Variants in PTPRG observed in about 807,000 individuals in gnomAD.
PTPRG encodes the protein protein tyrosine phosphatase receptor type G.
In PTPRG, 102 loss-of-function variants were observed where a neutral mutation model predicts 165.3. The ratio of observed to expected loss-of-function variants is 0.62; its 90% confidence interval spans 0.53 to 0.73. The LOEUF (loss-of-function observed/expected upper bound fraction) is 0.73. Ranked by LOEUF, PTPRG falls within the 30% of genes least tolerant of loss-of-function variation. The pLI is 0.00. For missense variants in PTPRG, 1,866 were observed against 1,861.4 expected (o/e 1.00, Z -0.05); for synonymous variants, 675 against 669.5 (o/e 1.01, Z -0.13).
chr3:62,234,379 A>G (rs1231693863), intron 14 of PTPRG, among the ~76,000 whole-genome samples: 1 of 152,200 alleles, frequency 6.6e-6, no homozygotes, highest in Non-Finnish European at 1.5e-5. Flanking sequence ...CACAAGGTAC[A>G]TGCTATTGTG....
chr3:61,872,007 A>C (rs1005939362), intron 2 of PTPRG, among the ~76,000 whole-genome samples: 7 of 152,174 alleles, frequency 4.6e-5, no homozygotes, highest in Non-Finnish European at 7.4e-5. Flanking sequence ...ATTCTTTTTA[A>C]CCAGTGCAGC....
At chr3:61,712,746 G>A (rs1465496349) in intron 1 of PTPRG, among the ~76,000 whole-genome samples, 2 of 152,208 alleles carry the variant, frequency 1.3e-5, no homozygotes, top group East Asian at 1.9e-4. Flanking sequence ...TTTATAGCAC[G>A]GTGAGAATGG....
intron 1 of PTPRG, among the ~76,000 whole-genome samples, chr3:61,684,545 T>C (rs1703559000): frequency 6.6e-6 from 1 of 152,162 alleles, no homozygotes; most frequent in South Asian, 2.1e-4. Context: ...TGTCTTAACA[T>C]CTGACAGGAG....
intron 2 of PTPRG, among the ~76,000 whole-genome samples, chr3:61,820,724 C>T (rs539245866): frequency 1.1e-4 from 17 of 149,256 alleles, no homozygotes; most frequent in South Asian, 4.3e-4. Flanking sequence ...TAGATAGAGG[C>T]GCCTGGCTGC....
intron 2 of PTPRG, among the ~76,000 whole-genome samples, chr3:61,863,472 G>A (rs2037327642): frequency 6.6e-6 from 1 of 152,246 alleles, no homozygotes; most frequent in African/African-American, 2.4e-5. Context: ...ATTAGAATGT[G>A]TGCGTAGCTG....
At chr3:61,983,422 G>A (rs919719530) in intron 2 of PTPRG, among the ~76,000 whole-genome samples, 7 of 152,094 alleles carry the variant, frequency 4.6e-5, no homozygotes, top group African/African-American at 1.7e-4. Flanking sequence ...GGTAATATTT[G>A]TAATATAAGT....
chr3:61,640,787 A>G (rs567239279), intron 1 of PTPRG, among the ~76,000 whole-genome samples: 1 of 152,370 alleles, frequency 6.6e-6, no homozygotes, highest in South Asian at 2.1e-4. Flanking sequence ...TGGATATTTC[A>G]CGTTTCTACT....
At position 62,144,800 on chromosome 3, in the gene PTPRG, G is replaced by A. The variant is rs117774361; in HGVS notation, c.682+12132G>A. Among the ~76,000 whole-genome samples the A allele has an allele frequency of 3.7e-4, 56 of 152,210 alleles. No homozygotes were observed. In the East Asian group the frequency reaches 9.1e-3, roughly 25 times the overall value. ...TTAGCCAGGAAATGGGATGCTGTGCGACTTCTATTTTATCACTAATAGTAT... is the reference window on the plus strand; with the variant it reads ...TTAGCCAGGAAATGGGATGCTGTGCAACTTCTATTTTATCACTAATAGTAT... On this transcript the variant is annotated intron_variant, in intron 6 of 29. Transcript: ENST00000474889.
intron 2 of PTPRG, among the ~76,000 whole-genome samples, chr3:61,841,523 T>C (rs992865340): frequency 1.3e-5 from 2 of 152,226 alleles, no homozygotes; most frequent in Non-Finnish European, 2.9e-5. Context: ...AACCTTTTTA[T>C]TGAATCCGTT....
chr3:61,814,881 C>CTT (rs1339496998), intron 2 of PTPRG, among the ~76,000 whole-genome samples: 1 of 151,756 alleles, frequency 6.6e-6, no homozygotes, highest in Non-Finnish European at 1.5e-5. Context: ...GGCAGCAACT[C>CTT]TATCAGGAAG....
intron 2 of PTPRG, among the ~76,000 whole-genome samples, chr3:61,888,523 G>A (rs1488499465): frequency 1.3e-5 from 2 of 152,070 alleles, no homozygotes; most frequent in Non-Finnish European, 1.5e-5. Context: ...AGTAGAGACG[G>A]GGTTTCACCG....
At chr3:62,087,814 G>A (rs1425615543) in intron 5 of PTPRG, among the ~76,000 whole-genome samples, 1 of 152,138 alleles carries the variant, frequency 6.6e-6, no homozygotes, top group African/African-American at 2.4e-5. Flanking sequence ...AGGCCTCTCA[G>A]TTTTGCTGAT....
intron 6 of PTPRG, among the ~76,000 whole-genome samples, chr3:62,133,380 G>A (rs932417038): frequency 3.3e-5 from 5 of 152,198 alleles, no homozygotes; most frequent in Admixed American, 6.5e-5. Flanking sequence ...TTCCAGAGAC[G>A]TTGACAGAAA....
At chr3:62,036,784 A>G (rs914069963) in intron 4 of PTPRG, among the ~76,000 whole-genome samples, 2 of 152,164 alleles carry the variant, frequency 1.3e-5, no homozygotes, top group African/African-American at 4.8e-5. Flanking sequence ...AACAAGCTAG[A>G]AGACAAATGC....
At chr3:61,813,523 A>C (rs982963109) in intron 2 of PTPRG, among the ~76,000 whole-genome samples, 5 of 143,000 alleles carry the variant, frequency 3.5e-5, no homozygotes, top group South Asian at 2.3e-4. Context: ...CTCAAAAAAA[A>C]AAAAAAGAAA....
At position 62,203,372 on chromosome 3, in the gene PTPRG, T is replaced by C. The variant is rs1700141342; in HGVS notation, c.1577T>C (p.Ile526Thr). 6.2e-7 allele frequency: 1 copy of C among 1,612,880 alleles called. No individual in the cohort carries two copies. Among genetic ancestry groups the C allele is most frequent in the South Asian group, 1.1e-5 (1 of 91,002 alleles). The part of the protein sequence containing the change: ...LAGLGFGGGG[I>T]SSFPSTVWPT... ...GGCCTGGGGTTCGGCGGTGGTGGCA[T>C]CTCCTCTTTCCCCAGCACTGTGTGG... The change falls in exon 12 of 30, where the codon ATC (isoleucine) becomes ACC (threonine). Residue 526 changes from isoleucine (I) to threonine (T), a missense_variant. By Grantham distance (89) the Ile-to-Thr change is moderately conservative (BLOSUM62 -1). Around this residue, in one of 3 missense-constraint regions of PTPRG, gnomAD observed 1,452 missense variants for 1,463.0 expected, o/e 0.99. Coordinates refer to ENST00000474889, the MANE Select transcript of PTPRG (RefSeq NM_002841.4). The surrounding 1 kb of genome is among the most constrained non-coding windows in gnomAD (Gnocchi z 6.4).
chr3:62,205,990 G>A (rs925085883), intron 12 of PTPRG, among the ~76,000 whole-genome samples: 1 of 152,174 alleles, frequency 6.6e-6, no homozygotes, highest in African/African-American at 2.4e-5. Flanking sequence ...GACAGGTGGT[G>A]GACTTGGAAT....
chr3:61,855,918 C>T (rs930088834), intron 2 of PTPRG, among the ~76,000 whole-genome samples: 2 of 151,868 alleles, frequency 1.3e-5, no homozygotes, highest in African/African-American at 2.4e-5. Flanking sequence ...GAGTGGGTTT[C>T]CCTTGAATTA....
chr3:61,678,727 T>C (rs1459508673), intron 1 of PTPRG, among the ~76,000 whole-genome samples: 1 of 152,196 alleles, frequency 6.6e-6, no homozygotes, highest in Non-Finnish European at 1.5e-5. Context: ...GTCATAATCA[T>C]GTCCCATTTT....
Sources: allele counts gnomAD v4.1 joint callset (sites outside exome capture counted in the v4.1 genomes callset), GRCh38; gene constraint gnomAD v4.1.1; regional missense constraint gnomAD v4.1.1; non-coding constraint Gnocchi (gnomAD v3.1); transcripts MANE v1.5; gene names NCBI Gene and HGNC (gene_info 2026-07-23, HGNC 2026-07-21).